SELP: variants seen among roughly 807,000 people sequenced by gnomAD.
The protein encoded by SELP is selectin P.
A neutral mutation model predicts 104.1 loss-of-function variants in SELP; 92 were observed. The observed-to-expected ratio is 0.88, with a 90% CI of 0.75 to 1.05. The LOEUF (loss-of-function observed/expected upper bound fraction) is 1.05, where lower values mean the gene tolerates loss of function less well. SELP is among the 50% of genes least tolerant of loss of function. SELP has a pLI of 0.00. For missense variants in SELP, 1,022 were observed against 1,017.3 expected (o/e 1.00, Z -0.06); for synonymous variants, 397 against 364.5 (o/e 1.09, Z -1.01).
Position 169,613,567 on chromosome 1 carries a change from A to C in SELP, c.589+19T>G, listed in dbSNP as rs1203407553. On this transcript the variant is annotated intron_variant, in intron 4 of 16. Transcript: ENST00000263686. ...TCTAGCATAAAACCAAAATAATATC[A>C]ACAAAAAGGAAGCCTCACCGTATTC... The C allele has an allele frequency of 6.3e-7, 1 of 1,593,216 alleles. No individual in the cohort carries two copies. The highest frequency in any genetic ancestry group is 8.6e-7 in the Non-Finnish European group (1 of 1,161,120).
intron 2 of SELP, among the ~76,000 whole-genome samples, chr1:169,617,973 C>T (rs1662907792): frequency 6.6e-6 from 1 of 152,200 alleles, no homozygotes; most frequent in East Asian, 1.9e-4. Flanking sequence ...ATAAACTTTA[C>T]TCCACCTATT....
intron 9 of SELP, among the ~76,000 whole-genome samples, chr1:169,603,979 C>G (rs1662053304): frequency 6.6e-6 from 1 of 152,206 alleles, no homozygotes; most frequent in African/African-American, 2.4e-5. Flanking sequence ...CATGGGATGG[C>G]TAGGTCAAAT....
intron 15 of SELP, among the ~76,000 whole-genome samples, chr1:169,590,414 A>T (rs1661298708): frequency 6.6e-6 from 1 of 152,218 alleles, no homozygotes; most frequent in African/African-American, 2.4e-5. Flanking sequence ...ACACTAAGTT[A>T]TTGTTCATGC....
At chr1:169,611,734 C>T (rs74457368) in intron 6 of SELP, 57 bp from the exon 7 acceptor site, 7 of 1,554,012 alleles carry the variant, frequency 4.5e-6, no homozygotes, top group South Asian at 1.2e-5. Context: ...AAAAGCCACA[C>T]AGAGAGCAAT....
At chr1:169,619,640 T>C (rs1662992561) in intron 1 of SELP, among the ~76,000 whole-genome samples, 1 of 152,196 alleles carries the variant, frequency 6.6e-6, no homozygotes, top group African/African-American at 2.4e-5. Context: ...ACACAAATAA[T>C]GTCTAACCTA....
intron 8 of SELP, among the ~76,000 whole-genome samples, chr1:169,608,842 C>A (rs1662336111): frequency 6.6e-6 from 1 of 152,050 alleles, no homozygotes; most frequent in Non-Finnish European, 1.5e-5. Flanking sequence ...GTGTGAGGTA[C>A]TCCTCGTAAA....
intron 3 of SELP, among the ~76,000 whole-genome samples, chr1:169,615,958 C>T (rs757317155): frequency 6.6e-6 from 1 of 152,140 alleles, no homozygotes; most frequent in African/African-American, 2.4e-5. Flanking sequence ...ACTTCCTGCT[C>T]GGGGCAGTCC....
intron 11 of SELP, 36 bp downstream of exon 11, chr1:169,596,955 A>C (rs1392077887): frequency 6.5e-7 from 1 of 1,533,318 alleles, no homozygotes; most frequent in Non-Finnish European, 8.8e-7. Flanking sequence ...ATAAATTTCC[A>C]AAAGTAGAAC....
intron 1 of SELP, among the ~76,000 whole-genome samples, chr1:169,620,177 T>C (rs1047866113): frequency 6.6e-6 from 1 of 152,232 alleles, no homozygotes; most frequent in Non-Finnish European, 1.5e-5. Flanking sequence ...CACTGCACTC[T>C]ATCCGGGGCG....
At chr1:169,620,654 G>A (rs1334978501) in intron 1 of SELP, among the ~76,000 whole-genome samples, 2 of 152,138 alleles carry the variant, frequency 1.3e-5, no homozygotes, top group Non-Finnish European at 2.9e-5. Flanking sequence ...GTGACAATTT[G>A]CTGCGAGGTT....
In SELP at chr1:169,613,768, C is replaced by T. The variant is rs1662670990; in HGVS notation, c.482-75G>A. ...AAAGGCTGAATTCTCGTTTTGACCA[C>T]AGACTCATCCCCTCTCAGATAGGAC... On this transcript the variant is annotated intron_variant, in intron 3 of 16. Transcript: ENST00000263686. 4 of 1,204,940 alleles carry T rather than the reference C, an allele frequency of 3.3e-6. No individual in the cohort carries two copies. The African/African-American group carries it at 6.0e-5, about 18-fold the overall frequency. 74.6% of individuals were successfully genotyped at this position (1,204,940 alleles called of 1,614,324 possible).
chr1:169,603,919 A>T (rs993730645), intron 9 of SELP, among the ~76,000 whole-genome samples: 1 of 152,228 alleles, frequency 6.6e-6, no homozygotes, highest in Non-Finnish European at 1.5e-5. Flanking sequence ...ATACCTGTGC[A>T]TGTGTCTTGG....
At chr1:169,604,437 C>A (rs1337193940) in intron 9 of SELP, among the ~76,000 whole-genome samples, 1 of 152,112 alleles carries the variant, frequency 6.6e-6, no homozygotes, top group African/African-American at 2.4e-5. Flanking sequence ...TTTTGCTGTG[C>A]AGAAGCTCTT....
rs1249359146 is a variant in SELP at position 169,594,754 on chromosome 1, C to T, written c.2225G>A (p.Gly742Asp). The T allele has an allele frequency of 3.7e-6, 6 of 1,613,704 alleles. No homozygotes were observed. Among genetic ancestry groups the T allele is most frequent in the Non-Finnish European group, 5.1e-6 (6 of 1,179,828 alleles). ...FHCLEGQLLN[G>D]SAQTACQENG... ...CTCTTGGCATGCTGTTTGTGCAGAG[C>T]CATTAAGTAACTGGCCCTCTAGACA... Residue 742 changes from glycine to aspartate, a missense_variant, in exon 13 of 17, where the codon GGC (glycine) becomes GAC (aspartate). Gly to Asp is a moderately conservative substitution (Grantham distance 94, BLOSUM62 -1). Transcript: ENST00000263686.
At chr1:169,616,798 T>G (rs1662835070) in intron 3 of SELP, among the ~76,000 whole-genome samples, 2 of 152,292 alleles carry the variant, frequency 1.3e-5, no homozygotes, top group South Asian at 4.2e-4. Flanking sequence ...ATGAGACAGG[T>G]GAGCTGGATG....
chr1:169,596,797 A>C (rs933093456), intron 11 of SELP, among the ~76,000 whole-genome samples, 194 bp downstream of exon 11: 1 of 152,250 alleles, frequency 6.6e-6, no homozygotes, highest in East Asian at 1.9e-4. Context: ...TTAAGAATCA[A>C]TATACCTTTT....
chr1:169,612,081 G>A, intron 6 of SELP, 136 bp downstream of exon 6: 1 of 833,208 alleles, frequency 1.2e-6, no homozygotes, highest in Non-Finnish European at 1.8e-6. Context: ...ACCCAATCTA[G>A]CTGAATGGCA....
Position 169,593,873 on chromosome 1 carries a change from AAAG to A in SELP, c.2288-152_2288-150del, listed in dbSNP as rs1661466842. 5.7e-6 allele frequency: 4 copies of A among 703,650 alleles called. No individual in the cohort carries two copies. The South Asian group carries it at 9.6e-5, about 17-fold the overall frequency. 43.6% of individuals were successfully genotyped at this position (703,650 alleles called of 1,614,324 possible). A position where few individuals can be genotyped will look rare whatever the true frequency, so the allele number is the denominator to read the frequency against. ...CTGGGAATGCTGACAAGCTAACATG[AAAG>A]AAGATCTGGAATTCATAAATCCACT... On this transcript the variant is annotated intron_variant, in intron 13 of 16. Transcript: ENST00000263686.
At chr1:169,607,672 A>G (rs922538380) in intron 8 of SELP, among the ~76,000 whole-genome samples, 5 of 152,206 alleles carry the variant, frequency 3.3e-5, no homozygotes, top group African/African-American at 1.2e-4. Flanking sequence ...ATAAATAACC[A>G]TATACGAAGA....
Sources: allele counts gnomAD v4.1 joint callset (sites outside exome capture counted in the v4.1 genomes callset), GRCh38; gene constraint gnomAD v4.1.1; transcripts MANE v1.5; gene names NCBI Gene and HGNC (gene_info 2026-07-23, HGNC 2026-07-21).